The following TPST1 variants were observed in gnomAD, a reference collection of about 807,000 sequenced individuals.
TPST1 encodes protein-tyrosine sulfotransferase 1.
TPST1 carries 20 observed loss-of-function variants against 34.8 expected under a neutral mutation model. That is an observed-to-expected ratio of 0.57 (90% CI 0.40 to 0.84). The LOEUF (loss-of-function observed/expected upper bound fraction) is 0.84, where lower values mean the gene tolerates loss of function less well. Ranked by LOEUF, TPST1 falls within the 40% of genes least tolerant of loss-of-function variation. TPST1 has a pLI of 0.00. For missense variants in TPST1, 353 were observed against 455.5 expected, an observed-to-expected ratio of 0.78 and a Z score of 2.05; for synonymous variants, 152 against 159.4, an observed-to-expected ratio of 0.95 and a Z score of 0.35.
intron 3 of TPST1, among the ~76,000 whole-genome samples, chr7:66,312,113 C>G (rs1050329743): frequency 6.6e-6 from 1 of 152,210 alleles, no homozygotes; most frequent in Non-Finnish European, 1.5e-5. Context: ...TTGCTCATGC[C>G]ATTCAGAATT....
chr7:66,328,867 T>TCG (rs1341540987), intron 3 of TPST1, among the ~76,000 whole-genome samples: 3 of 20,124 alleles, frequency 1.5e-4, no homozygotes, highest in African/African-American at 6.8e-4. Context: ...CCGCTCTCTC[T>TCG]CTCTCTCTCT....
chr7:66,220,079 G>GT (rs1274567181), intron 1 of TPST1, among the ~76,000 whole-genome samples: 1 of 151,936 alleles, frequency 6.6e-6, no homozygotes, highest in East Asian at 1.9e-4. Flanking sequence ...TGTATTTTTA[G>GT]TTTTTTTTAA....
At chr7:66,252,818 C>G (rs953171058) in intron 2 of TPST1, among the ~76,000 whole-genome samples, 1 of 151,912 alleles carries the variant, frequency 6.6e-6, no homozygotes, top group African/African-American at 2.4e-5. Context: ...AAATAGTTTC[C>G]CATGTTTTTT....
chr7:66,251,406 G>A (rs1562815307), intron 2 of TPST1, among the ~76,000 whole-genome samples: 3 of 152,166 alleles, frequency 2.0e-5, no homozygotes, highest in East Asian at 1.9e-4. Flanking sequence ...ATTGTCGAAC[G>A]CTTATGCACT....
At position 66,332,456 on chromosome 7, in the gene TPST1, A is replaced by G. The variant is rs961210748; in HGVS notation, c.1045-20049A>G. On this transcript the variant is annotated intron_variant, in intron 3 of 5. Coordinates refer to ENST00000304842, the MANE Select transcript of TPST1 (RefSeq NM_003596.4). The surrounding 1 kb of genome is among the most constrained non-coding windows in gnomAD (Gnocchi z 4.5). The stretch of plus-strand genomic sequence containing the variant: ...CTAATTTTTTGTATTTTTAATAGAG[A>G]TGGGGTTTCACCATACTGGTTGGCC... 6.6e-6 allele frequency among the ~76,000 whole-genome samples: 1 copy of G among 152,042 alleles called. No homozygotes were observed. The highest frequency in any genetic ancestry group is 2.4e-5 in the African/African-American group (1 of 41,392).
At chr7:66,339,304 AG>A (rs1394847393) in intron 3 of TPST1, among the ~76,000 whole-genome samples, 1 of 152,208 alleles carries the variant, frequency 6.6e-6, no homozygotes, top group Non-Finnish European at 1.5e-5. Context: ...TGAATCAGGA[AG>A]AAACAAAAGA....
intron 2 of TPST1, among the ~76,000 whole-genome samples, chr7:66,242,262 A>T (rs1052192859): frequency 1.3e-5 from 2 of 152,070 alleles, no homozygotes; most frequent in African/African-American, 2.4e-5. Flanking sequence ...TAAAAAAGAA[A>T]TATATAAGGT....
chr7:66,212,463 CTT>C (rs756884668), intron 1 of TPST1, among the ~76,000 whole-genome samples: 78 of 60,900 alleles, frequency 1.3e-3, no homozygotes, highest in African/African-American at 5.1e-3. Flanking sequence ...TTTCTTTTTT[CTT>C]TTTTTTTTTT....
At chr7:66,206,350 C>T (rs146157996) in intron 1 of TPST1, among the ~76,000 whole-genome samples, 1 of 152,206 alleles carries the variant, frequency 6.6e-6, no homozygotes, top group East Asian at 1.9e-4. Flanking sequence ...ACACAGTAGG[C>T]CTGGCACATG....
At chr7:66,203,005 G>T (rs562774274), upstream of TPST1, among the ~76,000 whole-genome samples, 1 of 152,118 alleles carries the variant, frequency 6.6e-6, no homozygotes, top group African/African-American at 2.4e-5. Context: ...GAACTCGGGA[G>T]GCGGAGGTTG....
chr7:66,248,036 C>T (rs1790187036), intron 2 of TPST1, among the ~76,000 whole-genome samples: 1 of 151,982 alleles, frequency 6.6e-6, no homozygotes, highest in South Asian at 2.1e-4. Flanking sequence ...TAAAACAAAA[C>T]CAAATCAGGA....
intron 2 of TPST1, among the ~76,000 whole-genome samples, chr7:66,267,069 T>G (rs1201896588): frequency 2.6e-5 from 4 of 152,218 alleles, no homozygotes; most frequent in African/African-American, 9.6e-5. Flanking sequence ...GATTGCTCTG[T>G]CAGTGTTATT....
chr7:66,202,837 G>A (rs1221619914), upstream of TPST1, among the ~76,000 whole-genome samples: 3 of 152,162 alleles, frequency 2.0e-5, no homozygotes, highest in African/African-American at 4.8e-5. Flanking sequence ...ACTTTGGAAG[G>A]TGGAGCCGGG....
intron 2 of TPST1, among the ~76,000 whole-genome samples, chr7:66,278,878 A>C (rs1350800947): frequency 6.6e-6 from 1 of 152,174 alleles, no homozygotes; most frequent in African/African-American, 2.4e-5. Flanking sequence ...CTGCATTGTA[A>C]ACATTCTGAT....
chr7:66,264,646 AACAACT>A (rs1790554795), intron 2 of TPST1, among the ~76,000 whole-genome samples: 1 of 152,238 alleles, frequency 6.6e-6, no homozygotes, highest in African/African-American at 2.4e-5. Context: ...TCTTGAAACA[AACAACT>A]ACAACAATAA....
intron 3 of TPST1, among the ~76,000 whole-genome samples, chr7:66,350,171 G>A (rs780569065): frequency 3.3e-5 from 5 of 152,068 alleles, no homozygotes; most frequent in East Asian, 1.9e-4. Context: ...CTGCCAACAC[G>A]CTCAGCTAAT....
rs1791664263 is a variant in TPST1 at position 66,317,735 on chromosome 7, G to A, written c.1044+31026G>A. On this transcript the variant is annotated intron_variant, in intron 3 of 5. Coordinates refer to ENST00000304842, the MANE Select transcript of TPST1 (RefSeq NM_003596.4). ...CTTTTTTAAAACTATATTTTCAAAT[G>A]CTTTTTATTTTTCCCACTTGTTTTG... is the stretch of plus-strand genomic sequence containing the variant. 2.6e-5 allele frequency among the ~76,000 whole-genome samples: 4 copies of A among 151,544 alleles called. No individual in the cohort carries two copies. The South Asian group carries it at 8.3e-4, about 32-fold the overall frequency.
At chr7:66,304,748 C>G (rs1791387134) in intron 3 of TPST1, among the ~76,000 whole-genome samples, 1 of 152,098 alleles carries the variant, frequency 6.6e-6, no homozygotes, top group Non-Finnish European at 1.5e-5. Flanking sequence ...TGAATGTATT[C>G]CACTAGCTGA....
chr7:66,248,503 GT>G (rs373801835), intron 2 of TPST1, among the ~76,000 whole-genome samples: 161 of 124,252 alleles, frequency 1.3e-3, no homozygotes, highest in African/African-American at 2.6e-3. Flanking sequence ...AACATTTAGT[GT>G]TTTTTTTTTT....
Sources: gnomAD v4.1 joint callset for allele counts (sites outside exome capture counted in the v4.1 genomes callset) on GRCh38, gnomAD v4.1.1 for gene constraint, Gnocchi (gnomAD v3.1) non-coding constraint, MANE v1.5 for transcripts, NCBI Gene and HGNC (gene_info 2026-07-23, HGNC 2026-07-21) for gene names.